Variants in KRT3 observed in about 807,000 individuals in gnomAD.
KRT3 encodes keratin 3.
Under a neutral mutation model 45.8 loss-of-function variants are expected in KRT3, and 34 were observed. The ratio of observed to expected loss-of-function variants is 0.74; its 90% CI spans 0.57 to 0.99. The LOEUF (loss-of-function observed/expected upper bound fraction) is 0.99, where lower values mean the gene tolerates loss of function less well. Among genes scored for constraint, KRT3 ranks in the 50% least tolerant of loss-of-function variants. The probability of loss-of-function intolerance (pLI) is 0.00; values close to 1 mark genes in which losing one functional copy is unlikely to be tolerated. For synonymous variants in KRT3, 367 were observed against 329.0 expected (o/e 1.12, Z -1.25); for missense variants, 828 against 820.6 (o/e 1.01, Z -0.11).
intron 2 of KRT3, 112 bp downstream of exon 2, chr12:52,793,999 G>A (rs1939583037): frequency 4.0e-6 from 3 of 756,820 alleles, no homozygotes; most frequent in Non-Finnish European, 6.8e-6. Context: ...GTAAGGAGAG[G>A]GAAATGGGCC....
chr12:52,790,632 CT>C (rs1939469920), intron 8 of KRT3, among the ~76,000 whole-genome samples: 2 of 152,186 alleles, frequency 1.3e-5, no homozygotes, highest in Admixed American at 6.5e-5. Flanking sequence ...AAGAGGCCCC[CT>C]GTTGGATATT....
At chr12:52,793,442 T>A (rs1200487441) in intron 2 of KRT3, among the ~76,000 whole-genome samples, 1 of 152,100 alleles carries the variant, frequency 6.6e-6, no homozygotes, top group Admixed American at 6.6e-5. Context: ...AATTTCTGCA[T>A]CCCAGGAAAC....
chr12:52,794,711 T>G (rs1939599320), intron 1 of KRT3, among the ~76,000 whole-genome samples: 1 of 152,122 alleles, frequency 6.6e-6, no homozygotes, highest in South Asian at 2.1e-4. Flanking sequence ...ACATGCTAGC[T>G]CTTCAAAAAC....
At chr12:52,795,159 C>T (rs77587630) in intron 1 of KRT3, among the ~76,000 whole-genome samples, 2,714 of 152,252 alleles carry the variant, frequency 0.018, 75 homozygotes, top group African/African-American at 0.06. Context: ...GCAGGGGTTC[C>T]CACAAACAGG....
At chr12:52,790,393 G>C (rs886131173) in intron 8 of KRT3, 35 bp from the exon 9 acceptor site, 1 of 1,551,414 alleles carries the variant, frequency 6.4e-7, no homozygotes, top group Non-Finnish European at 8.7e-7. Flanking sequence ...GATCAGCGAC[G>C]GCGCCCAGGC....
chr12:52,793,114 C>G, intron 3 of KRT3, 49 bp downstream of exon 3: 1 of 1,506,558 alleles, frequency 6.6e-7, no homozygotes, highest in Non-Finnish European at 9.2e-7. Flanking sequence ...CCCAACCCAG[C>G]CAGAAACCTG....
intron 2 of KRT3, among the ~76,000 whole-genome samples, chr12:52,793,532 G>A (rs577682922): frequency 6.6e-6 from 1 of 152,242 alleles, no homozygotes; most frequent in South Asian, 2.1e-4. Flanking sequence ...GCCAGAACCA[G>A]GATCTTCCCC....
intron 7 of KRT3, 88 bp downstream of exon 7, chr12:52,791,118 G>C (rs1939482760): frequency 5.7e-6 from 9 of 1,589,920 alleles, no homozygotes; most frequent in Non-Finnish European, 7.7e-6. Flanking sequence ...ATACAGCAGG[G>C]CTCCATCCCC....
chr12:52,791,275 A>G lies in KRT3; in HGVS notation c.1466T>C (p.Met489Thr), dbSNP rs1433892635. 5 of 1,614,086 alleles carry G rather than the reference A, an allele frequency of 3.1e-6. No individual in the cohort carries two copies. The African/African-American group carries it at 4.0e-5, about 13-fold the overall frequency. Residue 489 changes from methionine (M) to threonine (T), a missense_variant, in exon 7 of 9, where the codon ATG becomes ACG. Transcript: ENST00000417996. ...ARLLRDYQEL[M>T]NVKLALDVEI... ...CACGTCCAGGGCCAGCTTGACATTC[A>G]TCAGCTCCTGGTAGTCACGTAGCAG...
Position 52,792,335 on chromosome 12 carries a change from G to C in KRT3, c.1092C>G (p.Ser364=). ...CAGCAATGATGCTGTCCAGGTCCAG[G>C]GAGCGATTATTGTCCATGGACAGCA... ...SVVLSMDNNR[S]LDLDSIIAEV... is the part of the protein sequence containing the mutation. Residue 364 remains serine (S), a synonymous_variant, in exon 5 of 9, where the codon TCC becomes TCG. Transcript: ENST00000417996. 6.2e-7 allele frequency: 1 copy of C among 1,613,982 alleles called. No individual in the cohort carries two copies. Among genetic ancestry groups the C allele is most frequent in the Non-Finnish European group, 8.5e-7 (1 of 1,179,874 alleles).
intron 4 of KRT3, 95 bp from the exon 5 acceptor site, chr12:52,792,498 T>C (rs1939543199): frequency 7.8e-7 from 1 of 1,282,860 alleles, no homozygotes; most frequent in Non-Finnish European, 1.1e-6. Flanking sequence ...CATTCACTGA[T>C]TCCTTGCTCC....
intron 5 of KRT3, 98 bp from the exon 6 acceptor site, chr12:52,791,914 G>A: frequency 7.4e-7 from 1 of 1,354,322 alleles, no homozygotes; most frequent in Admixed American, 2.3e-5. Context: ...AGCTCAGTAA[G>A]GCATTTGCTA....
intron 7 of KRT3, 71 bp from the exon 8 acceptor site, chr12:52,790,943 C>T: frequency 6.2e-6 from 9 of 1,440,242 alleles, no homozygotes; most frequent in Non-Finnish European, 7.6e-6. Context: ...GGACCAAGGG[C>T]ATGAATAGCA....
In KRT3 at chr12:52,795,986, G is replaced by A. The variant is rs1479220881; in HGVS notation, c.57C>T (p.Arg19=). The A allele has an allele frequency of 3.1e-6, 5 of 1,613,946 alleles. No homozygotes were observed. Among genetic ancestry groups the A allele is most frequent in the Non-Finnish European group, 4.2e-6 (5 of 1,179,954 alleles). Residue 19 remains arginine (R), a synonymous_variant, in exon 1 of 9, where the codon CGC becomes CGT. Coordinates refer to ENST00000417996, the MANE Select transcript of KRT3 (RefSeq NM_057088.3). ...SGGGSQGFSG[R]SAVVSGSSRM... is the part of the protein sequence containing the mutation. ...TGCTGCTGCCGGAGACCACAGCAGA[G>A]CGGCCGGAGAAACCCTGGCTCCCGC...
rs768922936 is a variant in KRT3, at chr12:52,792,797, T to C, written c.937A>G (p.Ser313Gly). The C allele has an allele frequency of 8.1e-6, 13 of 1,609,740 alleles. No individual in the cohort carries two copies. The Middle Eastern group carries it at 4.9e-4, about 61-fold the overall frequency. Residue 313 changes from serine to glycine, a missense_variant, in exon 4 of 9, where the codon AGT becomes GGT. Ser to Gly is a moderately conservative substitution (Grantham distance 56). Coordinates refer to ENST00000417996, the MANE Select transcript of KRT3 (RefSeq NM_057088.3). ...AGCTCCACCTTGTTCATATAGGCAC[T>C]GTCCACATCCTGAGAAAAGAGGAAG... is the stretch of plus-strand genomic sequence containing the variant. ...EFVTLKKDVD[S>G]AYMNKVELQA...
chr12:52,795,265 C>T, intron 1 of KRT3, 133 bp downstream of exon 1: 1 of 1,117,122 alleles, frequency 9.0e-7, no homozygotes. Context: ...GGATATCTTC[C>T]CAGACCCTAG....
At chr12:52,794,366 C>G in intron 1 of KRT3, 35 bp from the exon 2 acceptor site, 1 of 1,545,360 alleles carries the variant, frequency 6.5e-7, no homozygotes, top group Non-Finnish European at 8.9e-7. Context: ...TCAGGCAACA[C>G]TTGTAGCAGA....
At position 52,795,893 on chromosome 12, in the gene KRT3, A is replaced by G. The variant is rs1461115704; in HGVS notation, c.150T>C (p.Gly50=). Residue 50 remains glycine (G), a synonymous_variant, in exon 1 of 9, where the codon GGT becomes GGC. Coordinates refer to ENST00000417996, the MANE Select transcript of KRT3 (RefSeq NM_057088.3). ...TGTAGAGGCTGCGACTGCCAAAGCCACCTGCTCCGCTCCGGAAGCCATAGG... is the reference window on the plus strand; with the variant it reads ...TGTAGAGGCTGCGACTGCCAAAGCCGCCTGCTCCGCTCCGGAAGCCATAGG... ...GGAYGFRSGA[G]GFGSRSLYNL... is the part of the protein sequence containing the mutation. The G allele has an allele frequency of 6.2e-7, 1 of 1,613,984 alleles. No homozygotes were observed. Among genetic ancestry groups the G allele is most frequent in the South Asian group, 1.1e-5 (1 of 91,080 alleles).
rs1939590584 is a variant in KRT3 at position 52,794,269 on chromosome 12, C to G, written c.708G>C (p.Gln236His). The G allele has an allele frequency of 1.2e-6, 2 of 1,614,202 alleles. No individual in the cohort carries two copies. The highest frequency in any genetic ancestry group is 1.7e-5 in the Admixed American group (1 of 60,030). Residue 236 changes from glutamine to histidine, a missense_variant, in exon 2 of 9, where the codon CAG (glutamine) becomes CAC (histidine). Physicochemically the swap from Gln to His is conservative, Grantham distance 24. Coordinates refer to ENST00000417996, the MANE Select transcript of KRT3 (RefSeq NM_057088.3). Reference sequence around the variant, plus strand: ...TTGTGCCTGAGATGGAACTTGTGCCCTGCTGCTGGAGCAGGTTCCACTTGG... The same window carrying G: ...TTGTGCCTGAGATGGAACTTGTGCCGTGCTGCTGGAGCAGGTTCCACTTGG... ...LETKWNLLQQ[Q>H]GTSSISGTNN...
Sources: allele counts gnomAD v4.1 joint callset (sites outside exome capture counted in the v4.1 genomes callset), GRCh38; gene constraint gnomAD v4.1.1; transcripts MANE v1.5; gene names NCBI Gene and HGNC (gene_info 2026-07-23, HGNC 2026-07-21).